PM20D2: variants seen among roughly 807,000 people sequenced by gnomAD.
The protein encoded by PM20D2 is peptidase M20 domain containing 2, also known as xaa-Arg dipeptidase.
In PM20D2, 33 loss-of-function variants were observed where a neutral mutation model predicts 42.9. That is an observed-to-expected ratio of 0.77 (90% CI 0.58 to 1.03). The LOEUF is 1.03. Ranked by LOEUF, PM20D2 falls within the 50% of genes least tolerant of loss-of-function variation. PM20D2 has a pLI of 0.00. For missense variants in PM20D2, 548 were observed against 557.0 expected (o/e 0.98, Z 0.16); for synonymous variants, 250 against 228.2 (o/e 1.10, Z -0.86).
At chr6:89,155,421 G>A (rs1382218356) in intron 4 of PM20D2, among the ~76,000 whole-genome samples, 1 of 151,630 alleles carries the variant, frequency 6.6e-6, no homozygotes, top group Admixed American at 6.6e-5. Context: ...CTGAGTAGCT[G>A]GGACTACAGG....
chr6:89,097,931 T>A, the PM20D2 span: 19 of 152,218 alleles, frequency 1.2e-4, no homozygotes, highest in African/African-American at 4.6e-4. Flanking sequence ...AAAGTTCTGA[T>A]ATTACTAATG....
the PM20D2 span, among the ~76,000 whole-genome samples, chr6:89,115,647 T>TTTTTTTTTTC: frequency 7.8e-6 from 1 of 128,976 alleles, no homozygotes; most frequent in Non-Finnish European, 1.7e-5. Context: ...TTTTTTTTTT[T>TTTTTTTTTTC]TTTTTTGAGA....
At chr6:89,153,289 C>T (rs1770916308) in intron 3 of PM20D2, 104 bp downstream of exon 3, 1 of 870,760 alleles carries the variant, frequency 1.1e-6, no homozygotes, top group Non-Finnish European at 1.5e-6. Flanking sequence ...TATTTTTGTA[C>T]TTCATATGAA....
At chr6:89,160,441 A>G (rs1771197119) in intron 5 of PM20D2, among the ~76,000 whole-genome samples, 1 of 152,156 alleles carries the variant, frequency 6.6e-6, no homozygotes, top group African/African-American at 2.4e-5. Context: ...AATGTTAGCT[A>G]CTCTTTGTCA....
At chr6:89,152,345 T>C (rs1187926854) in intron 2 of PM20D2, among the ~76,000 whole-genome samples, 1 of 152,170 alleles carries the variant, frequency 6.6e-6, no homozygotes, top group Non-Finnish European at 1.5e-5. Flanking sequence ...GCTTAAAAAG[T>C]GTTATCAAAG....
At chr6:89,156,129 C>A (rs2127779839) in intron 4 of PM20D2, among the ~76,000 whole-genome samples, 1 of 152,198 alleles carries the variant, frequency 6.6e-6, no homozygotes, top group African/African-American at 2.4e-5. Flanking sequence ...TGTGATCCAC[C>A]CACCTCAGCC....
Position 89,149,366 on chromosome 6 carries a change from C to T in PM20D2, c.567C>T (p.His189=), listed in dbSNP as rs770475589. 1.2e-5 allele frequency: 20 copies of T among 1,613,842 alleles called. No homozygotes were observed. In the South Asian group the frequency reaches 2.0e-4, roughly 16 times the overall value. ...FTNLDVVFMA[H]PSQENAAYLP... The stretch of plus-strand genomic sequence containing the variant: ...ATCTTGATGTTGTTTTTATGGCCCA[C>T]CCATCACAAGAGAATGCTGCTTATC... Residue 189 remains histidine, a synonymous_variant, in exon 2 of 7, where the codon CAC becomes CAT. Coordinates refer to ENST00000275072, the MANE Select transcript of PM20D2 (RefSeq NM_001010853.3).
the PM20D2 span, among the ~76,000 whole-genome samples, chr6:89,114,608 A>C: frequency 6.6e-6 from 1 of 152,186 alleles, no homozygotes; most frequent in African/African-American, 2.4e-5. Flanking sequence ...AAAGCTAAAA[A>C]AAAAAAAAAG....
chr6:89,151,106 G>A (rs1770817864), intron 2 of PM20D2, among the ~76,000 whole-genome samples: 4 of 140,402 alleles, frequency 2.8e-5, no homozygotes, highest in Non-Finnish European at 4.5e-5. Context: ...AGCCAAGATC[G>A]TGCCATTGCA....
chr6:89,095,956 G>A, the PM20D2 span: 1 of 152,154 alleles, frequency 6.6e-6, no homozygotes, highest in Non-Finnish European at 1.5e-5. Context: ...GATCACAGAT[G>A]TCTAAAATTA....
chr6:89,148,422 A>G (rs1200006809), intron 1 of PM20D2: 2 of 469,656 alleles, frequency 4.3e-6, no homozygotes, highest in Admixed American at 6.4e-5. Context: ...GATCTTGAAA[A>G]TATATTAGTT....
chr6:89,117,929 G>A, the PM20D2 span: 1 of 1,538,158 alleles, frequency 6.5e-7, no homozygotes, highest in Non-Finnish European at 8.7e-7. Flanking sequence ...CGCGGCCGCT[G>A]GACTCGCTCC....
At chr6:89,120,249 C>T in the PM20D2 span, among the ~76,000 whole-genome samples, 204 of 152,276 alleles carry the variant, frequency 1.3e-3, 1 homozygote, top group Admixed American at 2.1e-3. Flanking sequence ...AGCCATCTAT[C>T]CTATCCAGTT....
At chr6:89,128,191 T>C in the PM20D2 span, among the ~76,000 whole-genome samples, 1 of 152,170 alleles carries the variant, frequency 6.6e-6, no homozygotes, top group Non-Finnish European at 1.5e-5. Flanking sequence ...AGGAGAGATA[T>C]TGCTAAATTC....
At chr6:89,109,456 C>T in the PM20D2 span, among the ~76,000 whole-genome samples, 1 of 115,754 alleles carries the variant, frequency 8.6e-6, no homozygotes, top group Non-Finnish European at 1.9e-5. Flanking sequence ...AGAGAAGTTA[C>T]CTTGCCCAGA....
At chr6:89,135,627 TCAGA>T in the PM20D2 span, among the ~76,000 whole-genome samples, 6 of 151,304 alleles carry the variant, frequency 4.0e-5, 1 homozygote, top group African/African-American at 1.2e-4. Context: ...TTCATCAAGA[TCAGA>T]CAGATTGTGT....
the PM20D2 span, chr6:89,107,382 G>T: frequency 5.8e-6 from 4 of 694,922 alleles, no homozygotes; most frequent in South Asian, 2.0e-5. Context: ...ATCTAAAATT[G>T]TTTTTTGTAA....
chr6:89,122,649 A>T, the PM20D2 span, among the ~76,000 whole-genome samples: 3 of 152,254 alleles, frequency 2.0e-5, no homozygotes, highest in Admixed American at 2.0e-4. Flanking sequence ...GATAACTAGA[A>T]CTAATTGAAA....
the PM20D2 span, among the ~76,000 whole-genome samples, chr6:89,130,336 A>G: frequency 3.5e-5 from 5 of 144,070 alleles, no homozygotes; most frequent in Non-Finnish European, 7.7e-5. Flanking sequence ...TGTGCTCAAG[A>G]GATCCTCCTG....
Sources: gnomAD v4.1 joint callset for allele counts (sites outside exome capture counted in the v4.1 genomes callset) on GRCh38, gnomAD v4.1.1 for gene constraint, MANE v1.5 for transcripts, NCBI Gene and HGNC (gene_info 2026-07-23, HGNC 2026-07-21) for gene names.